Variants in ASIC2 observed in about 807,000 individuals in gnomAD.
The protein encoded by ASIC2 is acid-sensing ion channel 2.
A neutral mutation model predicts 57.3 loss-of-function variants in ASIC2; 25 were observed. That is an observed-to-expected ratio of 0.44 (90% CI 0.32 to 0.61). The LOEUF (loss-of-function observed/expected upper bound fraction) is 0.61, where lower values mean the gene tolerates loss of function less well. ASIC2 is among the 20% of genes least tolerant of loss of function. The pLI is 0.06. For synonymous variants in ASIC2, 319 were observed against 307.5 expected (o/e 1.04, Z -0.39); for missense variants, 641 against 738.1 (o/e 0.87, Z 1.52).
At chr17:34,155,129 C>T (rs1904666408) in intron 1 of ASIC2, among the ~76,000 whole-genome samples, 1 of 152,048 alleles carries the variant, frequency 6.6e-6, no homozygotes, top group Admixed American at 6.5e-5. Flanking sequence ...CTCCCTGCAC[C>T]CCTCCTCCTG....
At chr17:34,132,498 T>A (rs1284946795) in intron 1 of ASIC2, among the ~76,000 whole-genome samples, 2 of 152,142 alleles carry the variant, frequency 1.3e-5, no homozygotes, top group African/African-American at 2.4e-5. Context: ...GGGTCTTTCT[T>A]TTTTCAATCC....
At chr17:33,580,457 A>T (rs138943869) in intron 1 of ASIC2, among the ~76,000 whole-genome samples, 1 of 152,260 alleles carries the variant, frequency 6.6e-6, no homozygotes, top group Non-Finnish European at 1.5e-5. Flanking sequence ...GAAAGAATGC[A>T]AATGATGTTA....
rs2091853115 is a variant in ASIC2, at chr17:33,025,042, A to G, written c.1195+884T>C. ...TTTCCAGCTACCCTGGGTTTTGCTG[A>G]GTCTTTGCACACATCAGAAGTCACT... On this transcript the variant is annotated intron_variant, in intron 5 of 9. Coordinates refer to ENST00000225823, the MANE Select transcript of ASIC2 (RefSeq NM_183377.2). Among the ~76,000 whole-genome samples the G allele has an allele frequency of 5.3e-5, 8 of 151,912 alleles. No individual in the cohort carries two copies. The South Asian group carries it at 1.7e-3, about 32-fold the overall frequency.
At chr17:33,326,099 G>A (rs1597684122) in intron 1 of ASIC2, among the ~76,000 whole-genome samples, 1 of 152,190 alleles carries the variant, frequency 6.6e-6, no homozygotes, top group Non-Finnish European at 1.5e-5. Context: ...AATCTTGGCA[G>A]CAAGACATTT....
chr17:33,813,369 A>G (rs1255888929), intron 1 of ASIC2, among the ~76,000 whole-genome samples: 2 of 152,180 alleles, frequency 1.3e-5, no homozygotes. Flanking sequence ...ACAAAAAACA[A>G]AAAACAAACA....
At chr17:33,905,292 T>A (rs964767769) in intron 1 of ASIC2, among the ~76,000 whole-genome samples, 8 of 152,196 alleles carry the variant, frequency 5.3e-5, no homozygotes, top group African/African-American at 1.9e-4. Flanking sequence ...CCTGCTTTTC[T>A]GACTGCACTA....
intron 1 of ASIC2, among the ~76,000 whole-genome samples, chr17:33,609,415 C>T (rs549069502): frequency 4.6e-5 from 7 of 152,294 alleles, no homozygotes; most frequent in East Asian, 1.9e-4. Context: ...TCCAGTTCCT[C>T]GAGCACACCA....
intron 1 of ASIC2, among the ~76,000 whole-genome samples, chr17:34,110,200 C>T (rs1394094109): frequency 6.6e-6 from 1 of 152,164 alleles, no homozygotes; most frequent in Non-Finnish European, 1.5e-5. Flanking sequence ...CCCAGTCTTG[C>T]CTATCTTATA....
Position 33,078,083 on chromosome 17 carries a change from C to A in ASIC2, c.987+10780G>T, listed in dbSNP as rs569430382. ...ATAACGTGACACTGGGCAGCAGGAC[C>A]AACCAAAGCATGGTCTGATTTATTA... is the stretch of plus-strand genomic sequence containing the variant. On this transcript the variant is annotated intron_variant, in intron 3 of 9. Coordinates refer to ENST00000225823, the MANE Select transcript of ASIC2 (RefSeq NM_183377.2). 1.2e-3 allele frequency among the ~76,000 whole-genome samples: 190 copies of A among 152,188 alleles called. 1 individual carries two copies. Among genetic ancestry groups the A allele is most frequent in the African/African-American group, 4.3e-3 (179 of 41,524 alleles).
At chr17:33,475,023 C>T (rs1340382579) in intron 1 of ASIC2, among the ~76,000 whole-genome samples, 1 of 152,072 alleles carries the variant, frequency 6.6e-6, no homozygotes, top group Non-Finnish European at 1.5e-5. Flanking sequence ...TTGTTACTCT[C>T]CTACCTCCAC....
chr17:33,598,077 C>T (rs1163074387), intron 1 of ASIC2, among the ~76,000 whole-genome samples: 1 of 152,180 alleles, frequency 6.6e-6, no homozygotes, highest in Non-Finnish European at 1.5e-5. Context: ...ACCACAATGA[C>T]CAACTGTGCC....
intron 1 of ASIC2, among the ~76,000 whole-genome samples, chr17:33,429,751 A>G (rs1316095707): frequency 6.6e-6 from 1 of 152,186 alleles, no homozygotes; most frequent in Admixed American, 6.5e-5. Flanking sequence ...GCAAAGACAG[A>G]GAGGGGCATA....
At chr17:33,301,050 A>T (rs74962714) in intron 1 of ASIC2, among the ~76,000 whole-genome samples, 2 of 146,684 alleles carry the variant, frequency 1.4e-5, no homozygotes, top group African/African-American at 5.1e-5. Flanking sequence ...GAAAAAAAAA[A>T]TGATGTCTCA....
intron 1 of ASIC2, among the ~76,000 whole-genome samples, chr17:33,966,046 C>T (rs1905064124): frequency 6.6e-6 from 1 of 152,234 alleles, no homozygotes; most frequent in Non-Finnish European, 1.5e-5. Context: ...AAGAAGAACC[C>T]AAGCCCCTGT....
chr17:33,855,070 G>A (rs902613225), intron 1 of ASIC2, among the ~76,000 whole-genome samples: 2 of 152,162 alleles, frequency 1.3e-5, no homozygotes, highest in Non-Finnish European at 2.9e-5. Context: ...GCCGGCAGCA[G>A]AAAGTGTGGC....
chr17:33,530,803 T>C (rs1469986681), intron 1 of ASIC2, among the ~76,000 whole-genome samples: 1 of 152,214 alleles, frequency 6.6e-6, no homozygotes, highest in African/African-American at 2.4e-5. Flanking sequence ...ATAGCTTTGA[T>C]AAAAGTCAAT....
rs372661128 is a variant in ASIC2, at chr17:33,292,656, A to C, written c.-541T>G. On this transcript the variant is annotated 5_prime_UTR_variant, in exon 1 of 10. Transcript: ENST00000225823. ...CAGCGGTGCTGGGACACGGGAGAGA[A>C]GGCGCCAAGGAACGAGCGCCCCCAG... is the stretch of plus-strand genomic sequence containing the variant. The C allele has an allele frequency of 1.0e-6, 1 of 985,610 alleles. No homozygotes were observed. The highest frequency in any genetic ancestry group is 1.2e-6 in the Non-Finnish European group (1 of 830,102). 61.1% of individuals were successfully genotyped at this position (985,610 alleles called of 1,614,324 possible).
chr17:33,284,155 G>A (rs1230887369), intron 1 of ASIC2, among the ~76,000 whole-genome samples: 2 of 152,168 alleles, frequency 1.3e-5, no homozygotes, highest in Non-Finnish European at 2.9e-5. Context: ...GGTGTCAGGG[G>A]AGATATTTGA....
intron 3 of ASIC2, among the ~76,000 whole-genome samples, chr17:33,056,014 G>A (rs951049320): frequency 1.3e-5 from 2 of 152,168 alleles, no homozygotes; most frequent in Non-Finnish European, 2.9e-5. Flanking sequence ...AGTATTTTTC[G>A]AAAACTCCCT....
Sources: allele counts gnomAD v4.1 joint callset (sites outside exome capture counted in the v4.1 genomes callset), GRCh38; gene constraint gnomAD v4.1.1; transcripts MANE v1.5; gene names NCBI Gene and HGNC (gene_info 2026-07-23, HGNC 2026-07-21).